The following GALNT18 variants were observed in gnomAD, a reference collection of about 807,000 sequenced individuals.
GALNT18 encodes polypeptide N-acetylgalactosaminyltransferase 18.
GALNT18 carries 44 observed loss-of-function variants against 69.5 expected under a neutral mutation model. That is an observed-to-expected ratio of 0.63 (90% CI 0.50 to 0.81). The LOEUF (loss-of-function observed/expected upper bound fraction) is 0.81, where lower values mean the gene tolerates loss of function less well. Ranked by LOEUF, GALNT18 falls within the 40% of genes least tolerant of loss-of-function variation. GALNT18 has a pLI of 0.00. For missense variants in GALNT18, 715 were observed against 810.0 expected (o/e 0.88, Z 1.42); for synonymous variants, 364 against 318.2 (o/e 1.14, Z -1.53).
rs1850131197 is a variant in GALNT18 at position 11,337,319 on chromosome 11, T to C, written c.1278+3500A>G. 2.6e-5 allele frequency among the ~76,000 whole-genome samples: 4 copies of C among 152,144 alleles called. No homozygotes were observed. Among genetic ancestry groups the C allele is most frequent in the Admixed American group, 2.0e-4 (3 of 15,280 alleles). ...AGCTCTTACCATGCGCCCTGCCTTG[T>C]GCTAGATATAATGACACAAAAATGA... On this transcript the variant is annotated intron_variant, in intron 7 of 10. Coordinates refer to ENST00000227756, the MANE Select transcript of GALNT18 (RefSeq NM_198516.3). This position sits in a 1 kb window ranked among gnomAD's most constrained non-coding sequence, Gnocchi z 4.9.
Position 11,583,691 on chromosome 11 carries a change from C to T in GALNT18, c.235+37668G>A, listed in dbSNP as rs1053444677. Reference sequence around the variant, plus strand: ...TGAAGAACACACACCAAGATATTTCCAAAGCCCTGACCACATACGTGGTCA... The same window carrying T: ...TGAAGAACACACACCAAGATATTTCTAAAGCCCTGACCACATACGTGGTCA... On this transcript the variant is annotated intron_variant, in intron 1 of 10. Transcript: ENST00000227756. This position sits in a 1 kb window ranked among gnomAD's most constrained non-coding sequence, Gnocchi z 4.7. Among the ~76,000 whole-genome samples, 3 of 152,080 alleles carry T rather than the reference C, an allele frequency of 2.0e-5. No individual in the cohort carries two copies. Among genetic ancestry groups the T allele is most frequent in the Non-Finnish European group, 2.9e-5 (2 of 68,028 alleles).
intron 1 of GALNT18, among the ~76,000 whole-genome samples, chr11:11,493,856 C>T (rs544694133): frequency 1.2e-4 from 19 of 152,294 alleles, no homozygotes; most frequent in African/African-American, 4.6e-4. Context: ...TTCCCCCTTT[C>T]CTTCACCAAC....
Position 11,293,218 on chromosome 11 carries a change from T to A in GALNT18, c.1513-25A>T, listed in dbSNP as rs759676464. The A allele has an allele frequency of 2.1e-5, 27 of 1,314,830 alleles. No individual in the cohort carries two copies. In the East Asian group the frequency reaches 2.2e-4, roughly 11 times the overall value. The allele number at this position is 1,314,830 out of a possible 1,614,324, so 81.4% of individuals were successfully genotyped here. The stretch of plus-strand genomic sequence containing the variant: ...TCTGGGGGCGGAGGGAGGGAGAGAG[T>A]GTGGATAAATGCCAATGGCCACGGA... On this transcript the variant is annotated intron_variant, in intron 9 of 10. Coordinates refer to ENST00000227756, the MANE Select transcript of GALNT18 (RefSeq NM_198516.3).
At chr11:11,515,605 G>C (rs72867113) in intron 1 of GALNT18, among the ~76,000 whole-genome samples, 15,896 of 152,300 alleles carry the variant, frequency 0.1, 1,118 homozygotes, top group South Asian at 0.22. Flanking sequence ...TGGGCGATAA[G>C]TGACACAGAG....
At chr11:11,293,884 G>C (rs542875933) in intron 9 of GALNT18, among the ~76,000 whole-genome samples, 8 of 148,950 alleles carry the variant, frequency 5.4e-5, no homozygotes. Context: ...CCTGGATTGC[G>C]CCTTCAGGGA....
At chr11:11,609,861 T>C (rs1346663665) in intron 1 of GALNT18, among the ~76,000 whole-genome samples, 3 of 152,202 alleles carry the variant, frequency 2.0e-5, no homozygotes, top group Non-Finnish European at 4.4e-5. Flanking sequence ...ATGTCTGCTA[T>C]TGACTTTGTG....
intron 9 of GALNT18, among the ~76,000 whole-genome samples, chr11:11,325,341 G>A (rs1015002542): frequency 1.3e-5 from 2 of 152,128 alleles, no homozygotes; most frequent in Non-Finnish European, 2.9e-5. Flanking sequence ...TGACATAATG[G>A]ATTTTGGGGA....
In GALNT18 at chr11:11,430,888, T is replaced by C. The variant is rs1335925260; in HGVS notation, c.595+1733A>G. ...CCAATATAATAAAGCATGACCAAATTCCTCCATTGCCCAACTCTGACCCCA... is the reference window on the plus strand; with the variant it reads ...CCAATATAATAAAGCATGACCAAATCCCTCCATTGCCCAACTCTGACCCCA... On this transcript the variant is annotated intron_variant, in intron 3 of 10. Transcript: ENST00000227756. The surrounding 1 kb of genome is among the most constrained non-coding windows in gnomAD (Gnocchi z 4.9). Among the ~76,000 whole-genome samples, 1 of 152,128 alleles carries C rather than the reference T, an allele frequency of 6.6e-6. No individual in the cohort carries two copies. The highest frequency in any genetic ancestry group is 6.6e-5 in the Admixed American group (1 of 15,262).
At chr11:11,373,237 T>C (rs1171731682) in intron 5 of GALNT18, among the ~76,000 whole-genome samples, 3 of 152,192 alleles carry the variant, frequency 2.0e-5, no homozygotes, top group East Asian at 3.9e-4. Flanking sequence ...GGGGTGGGAA[T>C]TGAGGGGCCC....
intron 3 of GALNT18, among the ~76,000 whole-genome samples, chr11:11,410,695 TC>T (rs377336492): frequency 1.4e-4 from 21 of 152,314 alleles, no homozygotes; most frequent in African/African-American, 4.3e-4. Context: ...AGAGGCATTT[TC>T]CCCTGGGTCT....
Position 11,402,089 on chromosome 11 carries a change from G to T in GALNT18, c.596-22825C>A, listed in dbSNP as rs1589972092. On this transcript the variant is annotated intron_variant, in intron 3 of 10. Transcript: ENST00000227756. This position sits in a 1 kb window ranked among gnomAD's most constrained non-coding sequence, Gnocchi z 4.0. ...ATGAAGTAGGCTTACATATTATTAG[G>T]TGAATTCAAGGTAATCACAGATGGC... Among the ~76,000 whole-genome samples, 1 of 152,218 alleles carries T rather than the reference G, an allele frequency of 6.6e-6. No individual in the cohort carries two copies. Among genetic ancestry groups the T allele is most frequent in the African/African-American group, 2.4e-5 (1 of 41,454 alleles).
chr11:11,614,581 C>T lies in GALNT18; in HGVS notation c.235+6778G>A, dbSNP rs1002795482. On this transcript the variant is annotated intron_variant, in intron 1 of 10. Transcript: ENST00000227756. The surrounding 1 kb of genome is among the most constrained non-coding windows in gnomAD (Gnocchi z 5.6). ...GGAGGGTACAAACATTCAAGCATAT[C>T]AAGCACATTCAGCTATTCAAGTGAA... Among the ~76,000 whole-genome samples, 1 of 152,180 alleles carries T rather than the reference C, an allele frequency of 6.6e-6. No individual in the cohort carries two copies. The highest frequency in any genetic ancestry group is 1.5e-5 in the Non-Finnish European group (1 of 68,040).
rs568041055 is a variant in GALNT18, at chr11:11,413,854, G to A, written c.595+18767C>T. Among the ~76,000 whole-genome samples the A allele has an allele frequency of 6.6e-6, 1 of 152,340 alleles. No individual in the cohort carries two copies. The highest frequency in any genetic ancestry group is 2.1e-4 in the South Asian group (1 of 4,826). Reference sequence around the variant, plus strand: ...CTGGGTATCCGCTCTGTTCAGCAGTGCCCATCTATCCAAATGCCCCCTAAA... The same window carrying A: ...CTGGGTATCCGCTCTGTTCAGCAGTACCCATCTATCCAAATGCCCCCTAAA... On this transcript the variant is annotated intron_variant, in intron 3 of 10. Transcript: ENST00000227756. This position sits in a 1 kb window ranked among gnomAD's most constrained non-coding sequence, Gnocchi z 4.7.
intron 1 of GALNT18, among the ~76,000 whole-genome samples, chr11:11,608,613 G>A (rs186892020): frequency 1.0e-3 from 155 of 152,056 alleles, no homozygotes; most frequent in South Asian, 9.8e-3. Flanking sequence ...CACCCGTCTC[G>A]GCCTCCCAAA....
rs1036086844 is a variant in GALNT18 at position 11,543,801 on chromosome 11, G to A, written c.235+77558C>T. On this transcript the variant is annotated intron_variant, in intron 1 of 10. Transcript: ENST00000227756. The surrounding 1 kb of genome is among the most constrained non-coding windows in gnomAD (Gnocchi z 5.1). The stretch of plus-strand genomic sequence containing the variant: ...TGGGGCCCCGAATGTGCCACGGTGG[G>A]TGGGTGTGGTTATTGCTCCCATTTC... Among the ~76,000 whole-genome samples, 3 of 152,180 alleles carry A rather than the reference G, an allele frequency of 2.0e-5. No homozygotes were observed. The highest frequency in any genetic ancestry group is 7.2e-5 in the African/African-American group (3 of 41,442).
In GALNT18 at chr11:11,340,117, G is replaced by C. The variant is rs888579360; in HGVS notation, c.1278+702C>G. Among the ~76,000 whole-genome samples, 37 of 151,940 alleles carry C rather than the reference G, an allele frequency of 2.4e-4. No homozygotes were observed. Among genetic ancestry groups the C allele is most frequent in the Non-Finnish European group, 5.1e-4 (35 of 67,970 alleles). Reference sequence around the variant, plus strand: ...CTGGCATCTCTCAGTAGTAGAGCTGGGTTCTCTCAACTCAGTAGTCCAAGG... The same window carrying C: ...CTGGCATCTCTCAGTAGTAGAGCTGCGTTCTCTCAACTCAGTAGTCCAAGG... On this transcript the variant is annotated intron_variant, in intron 7 of 10. Coordinates refer to ENST00000227756, the MANE Select transcript of GALNT18 (RefSeq NM_198516.3). The surrounding 1 kb of genome is among the most constrained non-coding windows in gnomAD (Gnocchi z 4.2).
rs113684649 is a variant in GALNT18, at chr11:11,602,473, T to G, written c.235+18886A>C. On this transcript the variant is annotated intron_variant, in intron 1 of 10. Transcript: ENST00000227756. The surrounding 1 kb of genome is among the most constrained non-coding windows in gnomAD (Gnocchi z 4.7). Reference sequence around the variant, plus strand: ...TGTGGGAAAGCAGCACCCCGTCTTCTTGTCCATATCTGTCCAGAGGAGAGC... The same window carrying G: ...TGTGGGAAAGCAGCACCCCGTCTTCGTGTCCATATCTGTCCAGAGGAGAGC... Among the ~76,000 whole-genome samples, 208 of 152,312 alleles carry G rather than the reference T, an allele frequency of 1.4e-3. 2 individuals are homozygous for G. The highest frequency in any genetic ancestry group is 4.8e-3 in the African/African-American group (200 of 41,570).
intron 1 of GALNT18, among the ~76,000 whole-genome samples, chr11:11,594,521 T>C (rs1859440517): frequency 6.6e-6 from 1 of 152,172 alleles, no homozygotes; most frequent in African/African-American, 2.4e-5. Context: ...TAATCTACTT[T>C]CTGTCTCTAT....
intron 1 of GALNT18, among the ~76,000 whole-genome samples, chr11:11,586,000 G>A (rs954632891): frequency 6.6e-6 from 1 of 152,104 alleles, no homozygotes; most frequent in African/African-American, 2.4e-5. Context: ...AGCCCAGAGA[G>A]CTTTCTTATC....
Sources: allele counts gnomAD v4.1 joint callset (sites outside exome capture counted in the v4.1 genomes callset), GRCh38; gene constraint gnomAD v4.1.1; non-coding constraint Gnocchi (gnomAD v3.1); transcripts MANE v1.5; gene names NCBI Gene and HGNC (gene_info 2026-07-23, HGNC 2026-07-21).